Variants in HYDIN observed in about 807,000 individuals in gnomAD.
HYDIN encodes axonemal central pair apparatus protein HYDIN.
A neutral mutation model predicts 403.9 loss-of-function variants in HYDIN; 132 were observed. The ratio of observed to expected loss-of-function variants is 0.33; its 90% confidence interval spans 0.28 to 0.38. HYDIN has a LOEUF of 0.38. Among genes scored for constraint, HYDIN ranks in the 10% least tolerant of loss-of-function variants. The probability of loss-of-function intolerance (pLI) is 1.00; values close to 1 mark genes in which losing one functional copy is unlikely to be tolerated. For missense variants in HYDIN, 2,827 were observed against 5,009.5 expected (o/e 0.56, Z 13.15); for synonymous variants, 1,202 against 1,891.7 (o/e 0.64, Z 9.46).
At chr16:70,832,708 A>G in intron 80 of HYDIN, 140 bp downstream of exon 80, 1 of 619,754 alleles carries the variant, frequency 1.6e-6, no homozygotes, top group Non-Finnish European at 2.9e-6. Context: ...GGGGAGAATG[A>G]ATATTCCAGC....
chr16:71,153,345 G>C (rs2085618406), intron 6 of HYDIN, among the ~76,000 whole-genome samples: 1 of 151,964 alleles, frequency 6.6e-6, no homozygotes, highest in South Asian at 2.1e-4. Flanking sequence ...TGAACAGAGG[G>C]TCTATATTAA....
At chr16:71,089,165 G>C (rs2083026107) in intron 11 of HYDIN, among the ~76,000 whole-genome samples, 2 of 151,034 alleles carry the variant, frequency 1.3e-5, no homozygotes, top group Admixed American at 6.6e-5. Context: ...CTAGTGTTCT[G>C]GAAGCATGTT....
At chr16:71,108,200 G>C (rs940322410) in intron 10 of HYDIN, among the ~76,000 whole-genome samples, 13 of 152,104 alleles carry the variant, frequency 8.5e-5, no homozygotes, top group Non-Finnish European at 1.8e-4. Context: ...AAGAGGATCA[G>C]GAAAAATAAC....
In HYDIN at chr16:70,894,444, G is replaced by C. The variant is rs769503049; in HGVS notation, c.9248+5C>G. 6.2e-7 allele frequency: 1 copy of C among 1,603,196 alleles called. No individual in the cohort carries two copies. The highest frequency in any genetic ancestry group is 8.5e-7 in the Non-Finnish European group (1 of 1,176,082). ...TGGCCTTACATCTGATGGGATTCCA[G>C]TTACCTGAACGCGATCTCATATTTC... On this transcript the variant is annotated splice_donor_5th_base_variant and intron_variant, in intron 55 of 85. Transcript: ENST00000393567.
chr16:70,815,526 T>C (rs1352008821), intron 84 of HYDIN, among the ~76,000 whole-genome samples: 4 of 151,724 alleles, frequency 2.6e-5, no homozygotes, highest in Non-Finnish European at 1.5e-5. Context: ...ACATACACTA[T>C]GCAAATACTA....
At chr16:71,029,894 G>C (rs1252940018) in intron 19 of HYDIN, among the ~76,000 whole-genome samples, 1 of 152,026 alleles carries the variant, frequency 6.6e-6, no homozygotes, top group Non-Finnish European at 1.5e-5. Context: ...AGAAGGCAGG[G>C]GGAATACCTT....
At chr16:71,028,850 A>G (rs2080808427) in intron 19 of HYDIN, among the ~76,000 whole-genome samples, 1 of 151,850 alleles carries the variant, frequency 6.6e-6, no homozygotes, top group African/African-American at 2.4e-5. Flanking sequence ...TATGGCTAAC[A>G]GTAGGCTTTT....
At chr16:70,906,090 AC>A (rs2076528237) in intron 50 of HYDIN, among the ~76,000 whole-genome samples, 1 of 151,820 alleles carries the variant, frequency 6.6e-6, no homozygotes, top group Non-Finnish European at 1.5e-5. Flanking sequence ...CATGGTGGAG[AC>A]CTTGGTTCCA....
chr16:71,215,760 A>G (rs2088844696), intron 1 of HYDIN, among the ~76,000 whole-genome samples: 1 of 149,104 alleles, frequency 6.7e-6, no homozygotes, highest in African/African-American at 2.5e-5. Context: ...GAATATTTAA[A>G]GAACTCCTAC....
At chr16:70,955,656 C>T in intron 39 of HYDIN, 108 bp from the exon 40 acceptor site, 1 of 571,696 alleles carries the variant, frequency 1.7e-6, no homozygotes, top group Non-Finnish European at 3.1e-6. Flanking sequence ...TCTCTGAGTG[C>T]TCTGCCTCCT....
In HYDIN at chr16:70,943,936, G is replaced by C; in HGVS notation, c.6545C>G (p.Pro2182Arg). 6.2e-7 allele frequency: 1 copy of C among 1,608,214 alleles called. No homozygotes were observed. The highest frequency in any genetic ancestry group is 1.3e-5 in the African/African-American group (1 of 74,946). The stretch of plus-strand genomic sequence containing the variant: ...GCGGTGGATGGGCCCCGGGGGGAGA[G>C]GGCTGGAGGAAATCTGTTGAGTGGG... ...QSETPQISSS[P>R]LPPGPIHRWL... Residue 2182 changes from proline to arginine, a missense_variant, in exon 42 of 86, where the codon CCT (proline) becomes CGT (arginine). Pro to Arg is a moderately radical substitution (Grantham distance 103, BLOSUM62 -2). Transcript: ENST00000393567.
intron 58 of HYDIN, among the ~76,000 whole-genome samples, chr16:70,884,897 C>T (rs9922872): frequency 0.018 from 2,677 of 152,220 alleles, 9 homozygotes; most frequent in African/African-American, 0.06. Context: ...GAATGTCCTG[C>T]AGTGCTTCAG....
chr16:70,855,999 C>T (rs561483704), intron 72 of HYDIN, among the ~76,000 whole-genome samples: 3 of 151,386 alleles, frequency 2.0e-5, no homozygotes, highest in South Asian at 2.1e-4. Context: ...ATTAAATTTG[C>T]ATTTAATTTT....
intron 10 of HYDIN, among the ~76,000 whole-genome samples, chr16:71,109,114 T>C (rs1384429029): frequency 1.3e-5 from 2 of 151,882 alleles, no homozygotes; most frequent in Non-Finnish European, 2.9e-5. Flanking sequence ...ATGTAACATG[T>C]CCCCAGATTC....
intron 1 of HYDIN, among the ~76,000 whole-genome samples, chr16:71,215,472 C>T (rs752739694): frequency 2.6e-5 from 4 of 152,040 alleles, no homozygotes; most frequent in Admixed American, 6.5e-5. Flanking sequence ...GATGTAAGCT[C>T]TTATGCTAAA....
intron 45 of HYDIN, among the ~76,000 whole-genome samples, chr16:70,925,647 A>C (rs1474237980): frequency 6.6e-6 from 1 of 151,502 alleles, no homozygotes; most frequent in Non-Finnish European, 1.5e-5. Context: ...GCACAGCAAA[A>C]GAAACTACCA....
intron 18 of HYDIN, among the ~76,000 whole-genome samples, chr16:71,032,638 C>G (rs2080956114): frequency 8.4e-6 from 1 of 118,586 alleles, no homozygotes; most frequent in African/African-American, 3.0e-5. Context: ...ACCTGTTGCT[C>G]CTAGGCTGAA....
At chr16:71,006,777 C>G (rs2158439) in intron 23 of HYDIN, among the ~76,000 whole-genome samples, 1 of 152,060 alleles carries the variant, frequency 6.6e-6, no homozygotes, top group East Asian at 1.9e-4. Context: ...TCATCTAGCC[C>G]GCCCCAGCAG....
At chr16:71,189,856 T>C (rs1391897046) in intron 1 of HYDIN, among the ~76,000 whole-genome samples, 2 of 152,040 alleles carry the variant, frequency 1.3e-5, no homozygotes, top group African/African-American at 2.4e-5. Flanking sequence ...AGAAATCTTA[T>C]CATTTATCCA....
Sources: gnomAD v4.1 joint callset for allele counts (sites outside exome capture counted in the v4.1 genomes callset) on GRCh38, gnomAD v4.1.1 for gene constraint, MANE v1.5 for transcripts, NCBI Gene and HGNC (gene_info 2026-07-23, HGNC 2026-07-21) for gene names.